KLF12: variants seen among roughly 807,000 people sequenced by gnomAD.
KLF12 encodes the protein KLF transcription factor 12.
In KLF12, 9 loss-of-function variants were observed where a neutral mutation model predicts 37.8. The observed-to-expected ratio is 0.24, with a 90% CI of 0.14 to 0.42. KLF12 has a LOEUF of 0.42. Among genes scored for constraint, KLF12 ranks in the 10% least tolerant of loss-of-function variants. The pLI, the probability that KLF12 is intolerant of heterozygous loss-of-function variation, is 1.00. For synonymous variants in KLF12, 208 were observed against 202.1 expected, an observed-to-expected ratio of 1.03 and a Z score of -0.25; for missense variants, 411 against 516.0, an observed-to-expected ratio of 0.80 and a Z score of 1.97.
the KLF12 span, among the ~76,000 whole-genome samples, chr13:74,296,625 T>C: frequency 1.5e-4 from 23 of 152,226 alleles, no homozygotes; most frequent in Non-Finnish European, 1.2e-4. Flanking sequence ...GAAGCAATCT[T>C]ATTCCTGAAA....
intron 3 of KLF12, among the ~76,000 whole-genome samples, chr13:73,859,280 GGTA>G (rs1236612964): frequency 6.6e-6 from 1 of 152,114 alleles, no homozygotes; most frequent in Non-Finnish European, 1.5e-5. Context: ...TTTCTCTTCC[GGTA>G]AAGTTTTCCT....
chr13:74,183,915 G>T, the KLF12 span, among the ~76,000 whole-genome samples: 1 of 152,210 alleles, frequency 6.6e-6, no homozygotes, highest in Non-Finnish European at 1.5e-5. Flanking sequence ...TTCAACCTGG[G>T]TGATAGAGAG....
intron 3 of KLF12, among the ~76,000 whole-genome samples, chr13:73,929,409 G>C (rs1889558870): frequency 1.3e-5 from 2 of 152,258 alleles, no homozygotes; most frequent in South Asian, 4.1e-4. Context: ...AGCTTGCCCA[G>C]GTTACACAAA....
the KLF12 span, among the ~76,000 whole-genome samples, chr13:74,148,403 CTT>C: frequency 0.017 from 1,245 of 73,404 alleles, 11 homozygotes; most frequent in African/African-American, 0.063. Flanking sequence ...CAAAACTGCT[CTT>C]TTTTTTTTTT....
intron 4 of KLF12, among the ~76,000 whole-genome samples, chr13:73,824,728 G>GA (rs1343655384): frequency 6.6e-6 from 1 of 152,068 alleles, no homozygotes; most frequent in African/African-American, 2.4e-5. Context: ...GCTTTTATAA[G>GA]AAAGAACAAT....
At chr13:74,265,184 G>A in the KLF12 span, among the ~76,000 whole-genome samples, 1 of 152,084 alleles carries the variant, frequency 6.6e-6, no homozygotes, top group Non-Finnish European at 1.5e-5. Flanking sequence ...TGTCAGTTGG[G>A]GATATTGATG....
At chr13:73,755,505 T>TA (rs1222052340) in intron 6 of KLF12, among the ~76,000 whole-genome samples, 1 of 152,226 alleles carries the variant, frequency 6.6e-6, no homozygotes, top group Non-Finnish European at 1.5e-5. Context: ...TAGCCTTGTT[T>TA]ACCCAATGCT....
chr13:74,136,842 A>G (rs377429956), upstream of KLF12, among the ~76,000 whole-genome samples: 9 of 152,134 alleles, frequency 5.9e-5, no homozygotes, highest in African/African-American at 1.4e-4. Flanking sequence ...AAAATTGTTG[A>G]CAGATATGGA....
the KLF12 span, among the ~76,000 whole-genome samples, chr13:74,143,146 T>G: frequency 2.0e-5 from 3 of 151,372 alleles, no homozygotes; most frequent in Non-Finnish European, 4.4e-5. Context: ...TATTCCGTCT[T>G]CTTCTCCTTC....
At chr13:74,011,848 A>G (rs181008764) in intron 1 of KLF12, among the ~76,000 whole-genome samples, 7 of 152,210 alleles carry the variant, frequency 4.6e-5, no homozygotes, top group African/African-American at 1.7e-4. Context: ...ACTGGGTTAA[A>G]TAAGTATTAA....
At chr13:74,291,372 T>C in the KLF12 span, among the ~76,000 whole-genome samples, 1 of 152,206 alleles carries the variant, frequency 6.6e-6, no homozygotes, top group African/African-American at 2.4e-5. Context: ...CAAGTGTGAT[T>C]GGGAGGCCAG....
chr13:74,059,077 G>C (rs1456257621), intron 1 of KLF12, among the ~76,000 whole-genome samples: 1 of 152,172 alleles, frequency 6.6e-6, no homozygotes, highest in Admixed American at 6.5e-5. Flanking sequence ...ACTTAGGATA[G>C]TGGCCTTCAG....
chr13:74,228,723 G>A, the KLF12 span, among the ~76,000 whole-genome samples: 1 of 151,936 alleles, frequency 6.6e-6, no homozygotes, highest in African/African-American at 2.4e-5. Flanking sequence ...CAGAATACTT[G>A]AAATTGAAAC....
chr13:74,262,532 T>C, the KLF12 span, among the ~76,000 whole-genome samples: 1 of 152,242 alleles, frequency 6.6e-6, no homozygotes, highest in Non-Finnish European at 1.5e-5. Flanking sequence ...TCCTGTTGTA[T>C]ACTTTAAATC....
chr13:73,701,813 C>A (rs1224365715), intron 7 of KLF12, among the ~76,000 whole-genome samples: 1 of 151,962 alleles, frequency 6.6e-6, no homozygotes, highest in Non-Finnish European at 1.5e-5. Context: ...CATGATAAAT[C>A]CTTAGGCCAC....
rs1418003443 is a variant in KLF12, at chr13:73,691,160, C to A, written c.*4330G>T. Reference sequence around the variant, plus strand: ...AAAGTTCTTTGCTGATATTTGTTAGCCCACTGGCTGCTGCATATACAGTTG... The same window carrying A: ...AAAGTTCTTTGCTGATATTTGTTAGACCACTGGCTGCTGCATATACAGTTG... On this transcript the variant is annotated 3_prime_UTR_variant, in exon 8 of 8. Transcript: ENST00000377669. The A allele has an allele frequency of 6.6e-6, 1 of 152,594 alleles. No individual in the cohort carries two copies. Among genetic ancestry groups the A allele is most frequent in the African/African-American group, 2.4e-5 (1 of 41,430 alleles). 9.5% of individuals were successfully genotyped at this position (152,594 alleles called of 1,614,324 possible).
At chr13:73,863,082 G>A (rs1409239248) in intron 3 of KLF12, among the ~76,000 whole-genome samples, 2 of 152,050 alleles carry the variant, frequency 1.3e-5, no homozygotes, top group Non-Finnish European at 2.9e-5. Flanking sequence ...GATTCCAGCA[G>A]ATTTACCACC....
Position 73,686,472 on chromosome 13 carries a change from A to C in KLF12, c.*9018T>G, listed in dbSNP as rs1873504704. On this transcript the variant is annotated 3_prime_UTR_variant, in exon 8 of 8. Transcript: ENST00000377669. ...TACATAATATTAATAAACTTATAAC[A>C]GGGTTGCCTAAACACTACAGAGTAT... 6.5e-6 allele frequency: 1 copy of C among 152,678 alleles called. No individual in the cohort carries two copies. The allele number at this position is 152,678 out of a possible 1,614,324, so 9.5% of individuals were successfully genotyped here.
At chr13:73,716,856 A>T (rs1299029519) in intron 6 of KLF12, among the ~76,000 whole-genome samples, 3 of 152,212 alleles carry the variant, frequency 2.0e-5, no homozygotes, top group African/African-American at 4.8e-5. Context: ...TTTAAGATCT[A>T]TTTTTAAAAT....
Sources: allele counts gnomAD v4.1 joint callset (sites outside exome capture counted in the v4.1 genomes callset), GRCh38; gene constraint gnomAD v4.1.1; transcripts MANE v1.5; gene names NCBI Gene and HGNC (gene_info 2026-07-23, HGNC 2026-07-21).